Variants in MPPED2 observed in about 807,000 individuals in gnomAD.
The protein encoded by MPPED2 is metallophosphoesterase domain containing 2, also known as metallophosphoesterase MPPED2.
Under a neutral mutation model 33.0 loss-of-function variants are expected in MPPED2, and 5 were observed. That is an observed-to-expected ratio of 0.15 (90% CI 0.08 to 0.32). The LOEUF (loss-of-function observed/expected upper bound fraction) is 0.32. MPPED2 is among the 10% of genes least tolerant of loss of function. The pLI, the probability that MPPED2 is intolerant of heterozygous loss-of-function variation, is 1.00. For synonymous variants in MPPED2, 136 were observed against 141.9 expected (o/e 0.96, Z 0.29); for missense variants, 275 against 372.1 (o/e 0.74, Z 2.15).
At chr11:30,534,471 G>A (rs1477412604) in intron 3 of MPPED2, among the ~76,000 whole-genome samples, 1 of 152,122 alleles carries the variant, frequency 6.6e-6, no homozygotes, top group East Asian at 1.9e-4. Context: ...TGTGTCATCT[G>A]TAAAAATGAG....
chr11:30,565,802 C>A (rs949804402), intron 2 of MPPED2, among the ~76,000 whole-genome samples: 1 of 152,130 alleles, frequency 6.6e-6, no homozygotes, highest in Non-Finnish European at 1.5e-5. Flanking sequence ...TGATCATTTG[C>A]TTTTCAAGGT....
At chr11:30,559,307 C>A (rs938904688) in intron 2 of MPPED2, among the ~76,000 whole-genome samples, 3 of 152,246 alleles carry the variant, frequency 2.0e-5, no homozygotes, top group Admixed American at 2.0e-4. Context: ...TAACAAAGGT[C>A]TTTACAACTT....
chr11:30,506,533 T>A (rs1040262786), intron 3 of MPPED2, among the ~76,000 whole-genome samples: 9 of 152,172 alleles, frequency 5.9e-5, no homozygotes, highest in African/African-American at 2.2e-4. Context: ...ACAAAGCCTT[T>A]AAAAAGCAAC....
At chr11:30,474,790 T>G (rs1479487270) in intron 4 of MPPED2, among the ~76,000 whole-genome samples, 1 of 152,144 alleles carries the variant, frequency 6.6e-6, no homozygotes, top group Admixed American at 6.5e-5. Flanking sequence ...CCCTGAGGAC[T>G]TCTAAGTTAT....
intron 4 of MPPED2, among the ~76,000 whole-genome samples, chr11:30,432,310 C>T (rs1210181742): frequency 6.6e-6 from 1 of 152,184 alleles, no homozygotes; most frequent in Non-Finnish European, 1.5e-5. Flanking sequence ...TTTCATTTTT[C>T]CGATACTCAG....
At chr11:30,544,476 CAAAG>C (rs1955302933) in intron 2 of MPPED2, among the ~76,000 whole-genome samples, 1 of 152,168 alleles carries the variant, frequency 6.6e-6, no homozygotes, top group Non-Finnish European at 1.5e-5. Flanking sequence ...ATAAAGAAGA[CAAAG>C]AAGCAATAAA....
Position 30,403,289 on chromosome 11 carries a change from T to A in MPPED2, c.766+10939A>T, listed in dbSNP as rs1947939176. Among the ~76,000 whole-genome samples the A allele has an allele frequency of 2.0e-5, 3 of 151,946 alleles. 1 individual carries two copies. Among genetic ancestry groups the A allele is most frequent in the Admixed American group, 2.0e-4 (3 of 15,272 alleles). ...AAGAAAACAATGTAGGAAGTTGTTA[T>A]CCTTTGTACACCTTATTTCAATTTC... On this transcript the variant is annotated intron_variant, in intron 6 of 6. Coordinates refer to the MPPED2 transcript ENST00000448418.
chr11:30,473,008 G>A (rs973372295), intron 4 of MPPED2, among the ~76,000 whole-genome samples: 3 of 152,126 alleles, frequency 2.0e-5, no homozygotes, highest in African/African-American at 7.2e-5. Flanking sequence ...AGTTCAAATA[G>A]TTATATATAC....
intron 3 of MPPED2, among the ~76,000 whole-genome samples, chr11:30,520,984 G>A (rs1269608701): frequency 1.3e-5 from 2 of 152,032 alleles, no homozygotes; most frequent in Admixed American, 1.3e-4. Context: ...TAACATATTG[G>A]AAAAATACTG....
chr11:30,582,604 A>G (rs1478572017), intron 1 of MPPED2, among the ~76,000 whole-genome samples: 1 of 152,236 alleles, frequency 6.6e-6, no homozygotes, highest in African/African-American at 2.4e-5. Flanking sequence ...AATAAAATAT[A>G]CATACCTAAT....
intron 2 of MPPED2, among the ~76,000 whole-genome samples, chr11:30,542,383 G>A (rs1565168416): frequency 6.7e-6 from 1 of 148,452 alleles, no homozygotes; most frequent in Non-Finnish European, 1.5e-5. Flanking sequence ...GGAGGCTAAG[G>A]TGGGTGGATT....
At chr11:30,448,509 A>G (rs1949912511) in intron 4 of MPPED2, among the ~76,000 whole-genome samples, 1 of 152,212 alleles carries the variant, frequency 6.6e-6, no homozygotes, top group Non-Finnish European at 1.5e-5. Context: ...TTACGGCTTT[A>G]TCACATCTAT....
intron 4 of MPPED2, among the ~76,000 whole-genome samples, chr11:30,468,413 T>G (rs1431063636): frequency 6.6e-6 from 1 of 152,214 alleles, no homozygotes; most frequent in Non-Finnish European, 1.5e-5. Context: ...CTATAGTTGT[T>G]CTGGATATTC....
At chr11:30,423,765 A>G (rs1221023406) in intron 4 of MPPED2, among the ~76,000 whole-genome samples, 2 of 152,238 alleles carry the variant, frequency 1.3e-5, no homozygotes, top group Non-Finnish European at 2.9e-5. Context: ...TTTAATTTAC[A>G]TATGATATAT....
At chr11:30,501,971 G>A (rs768008007) in intron 3 of MPPED2, among the ~76,000 whole-genome samples, 12 of 152,156 alleles carry the variant, frequency 7.9e-5, no homozygotes, top group Non-Finnish European at 1.6e-4. Flanking sequence ...GAAGGGCAGA[G>A]GGGAACGACC....
chr11:30,510,084 C>A (rs535544289), intron 3 of MPPED2, among the ~76,000 whole-genome samples: 1 of 152,220 alleles, frequency 6.6e-6, no homozygotes, highest in African/African-American at 2.4e-5. Flanking sequence ...GCAGTAACAC[C>A]CAAGACATAT....
rs550871172 is a variant in MPPED2, at chr11:30,418,383, A to T, written c.537-750T>A. ...TTTTTGAGATTGATGTTCCATGTAG[A>T]AGGGAATGAGTCTTTGTCCATCCAT... On this transcript the variant is annotated intron_variant, in intron 4 of 6. Transcript: ENST00000358117. Among the ~76,000 whole-genome samples the T allele has an allele frequency of 2.6e-5, 4 of 152,318 alleles. No individual in the cohort carries two copies. The East Asian group carries it at 7.7e-4, about 29-fold the overall frequency.
intron 4 of MPPED2, among the ~76,000 whole-genome samples, chr11:30,479,927 G>A (rs1565109105): frequency 6.6e-6 from 1 of 152,106 alleles, no homozygotes; most frequent in Non-Finnish European, 1.5e-5. Flanking sequence ...CCTCTTTGGG[G>A]GAAGGTAATC....
intron 6 of MPPED2, among the ~76,000 whole-genome samples, chr11:30,392,988 C>T (rs191468093): frequency 2.0e-3 from 306 of 152,244 alleles, no homozygotes; most frequent in African/African-American, 7.0e-3. Flanking sequence ...CCCTCTGTTC[C>T]TCTTGCTGGC....
Sources: allele counts gnomAD v4.1 joint callset (sites outside exome capture counted in the v4.1 genomes callset), GRCh38; gene constraint gnomAD v4.1.1; transcripts MANE v1.5; gene names NCBI Gene and HGNC (gene_info 2026-07-23, HGNC 2026-07-21).